CACNA2D3: variants seen among roughly 807,000 people sequenced by gnomAD.
CACNA2D3 encodes the protein voltage-dependent calcium channel subunit alpha-2/delta-3.
In CACNA2D3, 60 loss-of-function variants were observed where a neutral mutation model predicts 160.6. That is an observed-to-expected ratio of 0.37 (90% confidence interval 0.30 to 0.46). The LOEUF is 0.46. CACNA2D3 is among the 20% of genes least tolerant of loss of function. CACNA2D3 has a pLI of 1.00. For synonymous variants in CACNA2D3, 558 were observed against 492.9 expected, an observed-to-expected ratio of 1.13 and a Z score of -1.75; for missense variants, 1,205 against 1,365.0, an observed-to-expected ratio of 0.88 and a Z score of 1.85.
At chr3:54,670,799 T>A (rs1416360729) in intron 11 of CACNA2D3, among the ~76,000 whole-genome samples, 1 of 152,188 alleles carries the variant, frequency 6.6e-6, no homozygotes, top group Non-Finnish European at 1.5e-5. Flanking sequence ...GTGGACCTGC[T>A]TACTTTGATT....
chr3:54,537,381 G>A (rs888941906), intron 5 of CACNA2D3, among the ~76,000 whole-genome samples: 5 of 151,996 alleles, frequency 3.3e-5, no homozygotes, highest in African/African-American at 4.8e-5. Flanking sequence ...TCAAACACAC[G>A]TACCCCGTCC....
Position 55,073,442 on chromosome 3 carries a change from C to T in CACNA2D3, c.2988-3C>T. The T allele has an allele frequency of 6.2e-7, 1 of 1,605,612 alleles. No homozygotes were observed. Among genetic ancestry groups the T allele is most frequent in the Non-Finnish European group, 8.5e-7 (1 of 1,172,292 alleles). On this transcript the variant is annotated splice_region_variant and splice_polypyrimidine_tract_variant and intron_variant, in intron 35 of 37. Coordinates refer to ENST00000474759, the MANE Select transcript of CACNA2D3 (RefSeq NM_018398.3). ...ACTGCCTCGCTACCTCTTGTTCCAACAGGTCCTTTGTCATCCAGCAAATCC... is the reference window on the plus strand; with the variant it reads ...ACTGCCTCGCTACCTCTTGTTCCAATAGGTCCTTTGTCATCCAGCAAATCC...
chr3:54,563,754 T>C (rs1180044559), intron 6 of CACNA2D3, among the ~76,000 whole-genome samples: 1 of 152,178 alleles, frequency 6.6e-6, no homozygotes, highest in Non-Finnish European at 1.5e-5. Context: ...AGCAATTAAG[T>C]GAAGTCTTTC....
chr3:54,558,814 C>T (rs1393447699), intron 5 of CACNA2D3, among the ~76,000 whole-genome samples: 1 of 152,156 alleles, frequency 6.6e-6, no homozygotes, highest in Non-Finnish European at 1.5e-5. Context: ...TTATTATCCC[C>T]ATTTTACAAA....
intron 11 of CACNA2D3, among the ~76,000 whole-genome samples, chr3:54,705,513 G>A (rs1700842003): frequency 1.3e-5 from 2 of 151,992 alleles, no homozygotes; most frequent in African/African-American, 4.8e-5. Flanking sequence ...TGTTTGTTTT[G>A]AGTGAAGGGA....
At chr3:54,264,662 A>T (rs915058579) in intron 2 of CACNA2D3, among the ~76,000 whole-genome samples, 1 of 152,232 alleles carries the variant, frequency 6.6e-6, no homozygotes, top group Non-Finnish European at 1.5e-5. Context: ...GGCTCAGTGC[A>T]GCTGGTGGCT....
intron 17 of CACNA2D3, among the ~76,000 whole-genome samples, chr3:54,863,722 TAA>T (rs1274224121): frequency 2.2e-5 from 3 of 135,178 alleles, no homozygotes; most frequent in Non-Finnish European, 5.0e-5. Context: ...TGTTTTTTTT[TAA>T]AAAAAAAATA....
chr3:55,021,665 G>GTATATA (rs1234588541), intron 35 of CACNA2D3, among the ~76,000 whole-genome samples: 1 of 140,360 alleles, frequency 7.1e-6, no homozygotes, highest in African/African-American at 2.7e-5. Flanking sequence ...ATATGTGTGT[G>GTATATA]TATATATATA....
intron 2 of CACNA2D3, among the ~76,000 whole-genome samples, chr3:54,259,128 G>T (rs1702356974): frequency 6.6e-6 from 1 of 152,224 alleles, no homozygotes; most frequent in Non-Finnish European, 1.5e-5. Context: ...CCTTACCCTG[G>T]AGATAGAGTT....
intron 2 of CACNA2D3, among the ~76,000 whole-genome samples, chr3:54,163,718 C>T (rs1164409301): frequency 6.6e-6 from 1 of 152,136 alleles, no homozygotes; most frequent in African/African-American, 2.4e-5. Context: ...AGATCCCATG[C>T]AGAAACAAAT....
intron 4 of CACNA2D3, among the ~76,000 whole-genome samples, chr3:54,415,136 T>G (rs1699734382): frequency 1.3e-5 from 2 of 152,112 alleles, no homozygotes; most frequent in African/African-American, 4.8e-5. Context: ...ACAGTACATT[T>G]CCATAAAACT....
At position 54,681,597 on chromosome 3, in the gene CACNA2D3, G is replaced by A. The variant is rs1424832974; in HGVS notation, c.1167+39356G>A. 2.6e-5 allele frequency among the ~76,000 whole-genome samples: 4 copies of A among 151,886 alleles called. No homozygotes were observed. In the East Asian group the frequency reaches 5.8e-4, roughly 22 times the overall value. ...AGAATAGTGAAAATATTAAACAGAG[G>A]TGGACATGATGACATATAGGGGAAG... is the stretch of plus-strand genomic sequence containing the variant. On this transcript the variant is annotated intron_variant, in intron 11 of 37. Coordinates refer to ENST00000474759, the MANE Select transcript of CACNA2D3 (RefSeq NM_018398.3).
chr3:54,866,264 G>T (rs908700615), intron 17 of CACNA2D3, among the ~76,000 whole-genome samples: 7 of 152,168 alleles, frequency 4.6e-5, no homozygotes, highest in African/African-American at 1.7e-4. Context: ...AGTGCCCTGT[G>T]GCCATTGGTC....
chr3:54,746,588 G>A lies in CACNA2D3; in HGVS notation c.1168-6011G>A, dbSNP rs555955476. On this transcript the variant is annotated intron_variant, in intron 11 of 37. Transcript: ENST00000474759. Reference sequence around the variant, plus strand: ...TTTAGAACCCATGAATGTGGGCACCGATAGGTCATGAAGAGATTTGGTAGC... The same window carrying A: ...TTTAGAACCCATGAATGTGGGCACCAATAGGTCATGAAGAGATTTGGTAGC... Among the ~76,000 whole-genome samples the A allele has an allele frequency of 1.5e-4, 23 of 152,280 alleles. No homozygotes were observed. The East Asian group carries it at 2.5e-3, about 17-fold the overall frequency.
At chr3:54,354,449 T>TGC (rs1347357350) in intron 3 of CACNA2D3, among the ~76,000 whole-genome samples, 5 of 151,846 alleles carry the variant, frequency 3.3e-5, no homozygotes, top group Non-Finnish European at 7.4e-5. Context: ...AAGGAAAAAA[T>TGC]GCAAGTATAA....
chr3:54,302,362 C>T (rs556814722), intron 2 of CACNA2D3, among the ~76,000 whole-genome samples: 2 of 152,200 alleles, frequency 1.3e-5, no homozygotes, highest in South Asian at 2.1e-4. Context: ...ATTTAAAATA[C>T]CCTTTGTTTG....
chr3:54,642,489 T>G (rs781584642), intron 11 of CACNA2D3, among the ~76,000 whole-genome samples: 3 of 152,266 alleles, frequency 2.0e-5, no homozygotes, highest in Non-Finnish European at 4.4e-5. Context: ...AGATTCATTG[T>G]GAAGTGTGCT....
intron 4 of CACNA2D3, among the ~76,000 whole-genome samples, chr3:54,471,166 C>T (rs141338478): frequency 0.011 from 1,635 of 152,270 alleles, 14 homozygotes; most frequent in Non-Finnish European, 0.017. Context: ...GGAAGTAAAA[C>T]ACTCCTCAGC....
At chr3:55,045,286 G>A (rs1704050532) in intron 35 of CACNA2D3, among the ~76,000 whole-genome samples, 1 of 152,152 alleles carries the variant, frequency 6.6e-6, no homozygotes, top group Non-Finnish European at 1.5e-5. Flanking sequence ...CTGACCTCAG[G>A]TGATCCACCC....
Sources: allele counts gnomAD v4.1 joint callset (sites outside exome capture counted in the v4.1 genomes callset), GRCh38; gene constraint gnomAD v4.1.1; transcripts MANE v1.5; gene names NCBI Gene and HGNC (gene_info 2026-07-23, HGNC 2026-07-21).